The following ITPK1 variants were observed in gnomAD, a reference collection of about 807,000 sequenced individuals.
ITPK1 encodes inositol 1,3,4-trisphosphate 5/6-kinase.
Under a neutral mutation model 45.3 loss-of-function variants are expected in ITPK1, and 21 were observed. The observed-to-expected ratio is 0.46, with a 90% confidence interval of 0.33 to 0.67. The LOEUF (loss-of-function observed/expected upper bound fraction) is 0.67, where lower values mean the gene tolerates loss of function less well. Among genes scored for constraint, ITPK1 ranks in the 30% least tolerant of loss-of-function variants. ITPK1 has a pLI of 0.02. For synonymous variants in ITPK1, 258 were observed against 253.6 expected (o/e 1.02, Z -0.16); for missense variants, 474 against 573.5 (o/e 0.83, Z 1.77).
chr14:93,101,522 A>T (rs10139751), intron 2 of ITPK1, among the ~76,000 whole-genome samples: 40,415 of 152,034 alleles, frequency 0.27, 6,176 homozygotes, highest in African/African-American at 0.43. Flanking sequence ...AGGCCCAGAG[A>T]GGAGCTGAAA....
intron 2 of ITPK1, among the ~76,000 whole-genome samples, chr14:93,082,768 G>A (rs1474971671): frequency 6.6e-6 from 1 of 152,230 alleles, no homozygotes; most frequent in Non-Finnish European, 1.5e-5. Context: ...CTGGGGGACT[G>A]TCTGCAGTAC....
chr14:92,989,109 AATT>A (rs1294591239), intron 5 of ITPK1, among the ~76,000 whole-genome samples: 1 of 152,138 alleles, frequency 6.6e-6, no homozygotes, highest in Non-Finnish European at 1.5e-5. Context: ...CTTTTTGGGG[AATT>A]ATTTCTCCAG....
intron 3 of ITPK1, among the ~76,000 whole-genome samples, chr14:93,067,220 G>A (rs111901242): frequency 0.015 from 2,314 of 152,160 alleles, 70 homozygotes; most frequent in African/African-American, 0.052. Flanking sequence ...GCTCCACTGA[G>A]GCCACGGAAT....
chr14:93,092,419 C>T (rs1891899316), intron 2 of ITPK1, among the ~76,000 whole-genome samples: 1 of 152,230 alleles, frequency 6.6e-6, no homozygotes, highest in African/African-American at 2.4e-5. Context: ...CATGTCAGCA[C>T]ATGGCTACAC....
intron 5 of ITPK1, among the ~76,000 whole-genome samples, chr14:92,991,096 G>C (rs1441789138): frequency 6.6e-6 from 1 of 152,222 alleles, no homozygotes; most frequent in Non-Finnish European, 1.5e-5. Context: ...CGTGTCACTG[G>C]ATTGCTGTGA....
intron 2 of ITPK1, among the ~76,000 whole-genome samples, chr14:93,077,532 GGT>G (rs1316955792): frequency 6.6e-6 from 1 of 152,130 alleles, no homozygotes; most frequent in Non-Finnish European, 1.5e-5. Flanking sequence ...TGGCCAGGCT[GGT>G]CTCAAACTCC....
intron 3 of ITPK1, among the ~76,000 whole-genome samples, chr14:93,020,138 T>C (rs931097394): frequency 3.3e-5 from 5 of 152,080 alleles, no homozygotes; most frequent in Non-Finnish European, 7.4e-5. Context: ...GGCCACTGTT[T>C]CCCTCAGGGA....
At chr14:93,006,820 A>G (rs1440330350) in intron 4 of ITPK1, among the ~76,000 whole-genome samples, 1 of 152,094 alleles carries the variant, frequency 6.6e-6, no homozygotes, top group African/African-American at 2.4e-5. Context: ...GGAGACAGCA[A>G]ACTCCCCCTT....
chr14:92,951,774 G>A lies in ITPK1; in HGVS notation c.738+172C>T, dbSNP rs373751981. On this transcript the variant is annotated intron_variant, in intron 9 of 10. Transcript: ENST00000267615. ...CTGCTAGCATGAAAACTCGAAGCAAGCAGAGGAACAGGGGGCTCTGGAACC... is the reference window on the plus strand; with the variant it reads ...CTGCTAGCATGAAAACTCGAAGCAAACAGAGGAACAGGGGGCTCTGGAACC... Among the ~76,000 whole-genome samples the A allele has an allele frequency of 6.0e-4, 92 of 152,186 alleles. 1 individual carries two copies. Among genetic ancestry groups the A allele is most frequent in the African/African-American group, 2.1e-3 (86 of 41,532 alleles).
chr14:92,959,994 G>A lies in ITPK1; in HGVS notation c.505-1628C>T, dbSNP rs540177283. ...TGCCCCTGCTGTACTTGGCTTCCCCGGGTACCCCTGGAATCTGTGAGAAGC... is the reference window on the plus strand; with the variant it reads ...TGCCCCTGCTGTACTTGGCTTCCCCAGGTACCCCTGGAATCTGTGAGAAGC... On this transcript the variant is annotated intron_variant, in intron 7 of 10. Transcript: ENST00000267615. 3.9e-5 allele frequency among the ~76,000 whole-genome samples: 6 copies of A among 152,254 alleles called. No individual in the cohort carries two copies. In the East Asian group the frequency reaches 5.8e-4, roughly 15 times the overall value.
Position 93,016,629 on chromosome 14 carries a change from C to T in ITPK1, c.246+47G>A. On this transcript the variant is annotated intron_variant, in intron 4 of 10. Coordinates refer to ENST00000267615, the MANE Select transcript of ITPK1 (RefSeq NM_014216.6). This position sits in a 1 kb window ranked among gnomAD's most constrained non-coding sequence, Gnocchi z 5.0. ...CACGGCCATTCCAGGGCCTCCCCTC[C>T]TCCTCCTGAAAATGCCACAGCCAAG... 1 of 1,602,520 alleles carries T rather than the reference C, an allele frequency of 6.2e-7. No homozygotes were observed. The highest frequency in any genetic ancestry group is 8.5e-7 in the Non-Finnish European group (1 of 1,171,418).
intron 3 of ITPK1, among the ~76,000 whole-genome samples, chr14:93,033,813 G>C (rs1889182510): frequency 6.6e-6 from 1 of 152,192 alleles, no homozygotes; most frequent in Non-Finnish European, 1.5e-5. Flanking sequence ...GTGGGTGTGT[G>C]GTGGGGCACA....
intron 5 of ITPK1, among the ~76,000 whole-genome samples, chr14:92,969,831 G>T (rs980651783): frequency 1.3e-5 from 2 of 152,116 alleles, no homozygotes; most frequent in Admixed American, 1.3e-4. Context: ...TTGGATGGTG[G>T]GTTGTGTTCT....
chr14:93,005,126 C>G (rs1297419684), intron 4 of ITPK1, among the ~76,000 whole-genome samples: 2 of 151,618 alleles, frequency 1.3e-5, no homozygotes, highest in Non-Finnish European at 2.9e-5. Context: ...GCCTGCAAGG[C>G]CACAGGATGG....
At position 93,111,742 on chromosome 14, in the gene ITPK1, G is replaced by A. The variant is rs185367436; in HGVS notation, c.95+3327C>T. Reference sequence around the variant, plus strand: ...AAAAAAAAAAAGCCACAAAGAGGGGGTGGTGTGGGAGACCTACAAGGTTGC... The same window carrying A: ...AAAAAAAAAAAGCCACAAAGAGGGGATGGTGTGGGAGACCTACAAGGTTGC... On this transcript the variant is annotated intron_variant, in intron 2 of 10. Coordinates refer to ENST00000267615, the MANE Select transcript of ITPK1 (RefSeq NM_014216.6). 3.6e-3 allele frequency among the ~76,000 whole-genome samples: 545 copies of A among 151,770 alleles called. 4 individuals are homozygous for A. Among genetic ancestry groups the A allele is most frequent in the Middle Eastern group, 0.017 (5 of 292 alleles).
intron 5 of ITPK1, among the ~76,000 whole-genome samples, chr14:92,975,841 T>A (rs988584245): frequency 1.3e-5 from 2 of 152,144 alleles, no homozygotes; most frequent in Non-Finnish European, 2.9e-5. Context: ...CCAAATCTCA[T>A]CATCCCCATG....
chr14:93,097,591 A>G (rs1892132325), intron 2 of ITPK1, among the ~76,000 whole-genome samples: 2 of 152,218 alleles, frequency 1.3e-5, no homozygotes, highest in South Asian at 4.1e-4. Context: ...AGTTTTTAGG[A>G]TGGGTTGTTA....
chr14:93,053,689 C>G (rs1271719004), intron 3 of ITPK1, among the ~76,000 whole-genome samples: 1 of 152,116 alleles, frequency 6.6e-6, no homozygotes, highest in African/African-American at 2.4e-5. Context: ...AGCAAATGTT[C>G]CAGGCTAGCG....
chr14:92,970,559 G>A (rs1333733514), intron 5 of ITPK1, among the ~76,000 whole-genome samples: 1 of 152,190 alleles, frequency 6.6e-6, no homozygotes, highest in Non-Finnish European at 1.5e-5. Flanking sequence ...GGAAACTGGG[G>A]CAAGAGGGGC....
Sources: gnomAD v4.1 joint callset for allele counts (sites outside exome capture counted in the v4.1 genomes callset) on GRCh38, gnomAD v4.1.1 for gene constraint, Gnocchi (gnomAD v3.1) non-coding constraint, MANE v1.5 for transcripts, NCBI Gene and HGNC (gene_info 2026-07-23, HGNC 2026-07-21) for gene names.